The following BBX variants were observed in gnomAD, a reference collection of about 807,000 sequenced individuals.
The protein encoded by BBX is HMG box transcription factor BBX.
Under a neutral mutation model 100.2 loss-of-function variants are expected in BBX, and 30 were observed. The ratio of observed to expected loss-of-function variants is 0.30; its 90% CI spans 0.22 to 0.41. The LOEUF is 0.41. BBX is among the 10% of genes least tolerant of loss of function. The probability of loss-of-function intolerance (pLI) is 1.00; values close to 1 mark genes in which losing one functional copy is unlikely to be tolerated. For synonymous variants in BBX, 376 were observed against 388.1 expected (o/e 0.97, Z 0.37); for missense variants, 1,023 against 1,129.8 (o/e 0.91, Z 1.35).
intron 2 of BBX, chr3:107,641,668 A>G (rs1295714058): frequency 6.6e-6 from 1 of 152,228 alleles, no homozygotes; most frequent in Admixed American, 6.5e-5. Flanking sequence ...TTTTCAACTG[A>G]AAGGCTCTGG....
chr3:107,611,242 T>C (rs1162314806), intron 2 of BBX, among the ~76,000 whole-genome samples: 2 of 152,200 alleles, frequency 1.3e-5, no homozygotes, highest in Non-Finnish European at 2.9e-5. Context: ...TTTATCGTTT[T>C]GTCTTTCTAC....
At position 107,710,540 on chromosome 3, in the gene BBX, A is replaced by G. The variant is rs2061651584; in HGVS notation, c.80A>G (p.Gln27Arg). The G allele has an allele frequency of 1.2e-6, 2 of 1,613,868 alleles. No homozygotes were observed. The highest frequency in any genetic ancestry group is 8.5e-7 in the Non-Finnish European group (1 of 1,179,926). The change falls in exon 4 of 18, where the codon CAG (glutamine) becomes CGG (arginine). Residue 27 changes from glutamine (Q) to arginine (R), a missense_variant. Physicochemically the swap from Gln to Arg is conservative, Grantham distance 43 (BLOSUM62 1). Around this residue, in one of 9 missense-constraint regions of BBX, gnomAD observed 229 missense variants for 226.3 expected, o/e 1.01. Coordinates refer to ENST00000325805, the MANE Select transcript of BBX (RefSeq NM_001142568.3). Reference protein sequence around the residue: ...VGKRPKRKCLQWHPLLAKKLL... With the variant: ...VGKRPKRKCLRWHPLLAKKLL... ...AAACGACCAAAACGAAAGTGTCTTC[A>G]GTGGCATCCATTGCTAGCAAAGAAA...
chr3:107,640,133 A>G (rs2057101519), intron 2 of BBX, among the ~76,000 whole-genome samples: 1 of 152,192 alleles, frequency 6.6e-6, no homozygotes, highest in Non-Finnish European at 1.5e-5. Context: ...CTGATGAGGA[A>G]TAGAGGCTCA....
intron 9 of BBX, among the ~76,000 whole-genome samples, chr3:107,749,809 T>G (rs1449714393): frequency 1.3e-5 from 2 of 152,126 alleles, no homozygotes; most frequent in Non-Finnish European, 2.9e-5. Context: ...AATTTTTGTA[T>G]TTTTAGTAGA....
intron 6 of BBX, among the ~76,000 whole-genome samples, chr3:107,729,602 T>C (rs1410272767): frequency 1.3e-5 from 2 of 152,334 alleles, no homozygotes; most frequent in East Asian, 3.9e-4. Context: ...ATATTCACCC[T>C]ACAAGTGGGC....
At chr3:107,633,891 A>G (rs541777106) in intron 2 of BBX, among the ~76,000 whole-genome samples, 3 of 152,296 alleles carry the variant, frequency 2.0e-5, no homozygotes, top group South Asian at 4.1e-4. Context: ...TGTGCCCCCA[A>G]CAGGGTTTCT....
chr3:107,533,946 A>G lies in BBX; in HGVS notation c.-84+7548A>G, dbSNP rs534741312. On this transcript the variant is annotated intron_variant, in intron 2 of 17. Transcript: ENST00000325805. The stretch of plus-strand genomic sequence containing the variant: ...GAGGTTCTAGATACCTTTATTTTCA[A>G]TAATTAATTATGAAATGTTCAGATC... Among the ~76,000 whole-genome samples, 5 of 152,294 alleles carry G rather than the reference A, an allele frequency of 3.3e-5. No homozygotes were observed. In the South Asian group the frequency reaches 6.2e-4, roughly 19 times the overall value.
intron 2 of BBX, among the ~76,000 whole-genome samples, chr3:107,582,267 G>A (rs1267410112): frequency 6.6e-6 from 1 of 151,254 alleles, no homozygotes; most frequent in Non-Finnish European, 1.5e-5. Context: ...AACATTTTTA[G>A]CACGCATATG....
chr3:107,617,162 A>G (rs1449027130), intron 2 of BBX, among the ~76,000 whole-genome samples: 1 of 151,940 alleles, frequency 6.6e-6, no homozygotes, highest in African/African-American at 2.4e-5. Flanking sequence ...TCCTCCATTG[A>G]ATTGCTTTTG....
chr3:107,586,111 T>TA (rs2052815234), intron 2 of BBX, among the ~76,000 whole-genome samples: 1 of 151,914 alleles, frequency 6.6e-6, no homozygotes. Context: ...CTGAAGTTAA[T>TA]AAAAAAAATA....
At chr3:107,635,585 T>TA (rs1396545415) in intron 2 of BBX, among the ~76,000 whole-genome samples, 4 of 152,134 alleles carry the variant, frequency 2.6e-5, no homozygotes, top group African/African-American at 9.7e-5. Flanking sequence ...CATCTTGACT[T>TA]ACTGAATATC....
At chr3:107,722,340 A>G (rs2107444478) in intron 5 of BBX, among the ~76,000 whole-genome samples, 1 of 152,142 alleles carries the variant, frequency 6.6e-6, no homozygotes, top group African/African-American at 2.4e-5. Flanking sequence ...ATCTTAGTAG[A>G]CAGATCACTG....
intron 3 of BBX, among the ~76,000 whole-genome samples, chr3:107,658,052 G>A (rs1027836408): frequency 1.3e-5 from 2 of 152,092 alleles, no homozygotes; most frequent in East Asian, 3.9e-4. Flanking sequence ...TAATCCAGGG[G>A]TGAATAACCT....
intron 2 of BBX, among the ~76,000 whole-genome samples, chr3:107,590,170 TAAAG>T (rs529967261): frequency 0.01 from 1,550 of 152,300 alleles, 26 homozygotes; most frequent in African/African-American, 0.035. Flanking sequence ...GCTTTTAGTA[TAAAG>T]ATTTTATAAA....
chr3:107,562,793 GTA>G (rs2050603111), intron 2 of BBX, among the ~76,000 whole-genome samples: 1 of 152,098 alleles, frequency 6.6e-6, no homozygotes, highest in South Asian at 2.1e-4. Context: ...GGTTACATGT[GTA>G]ACCTGAAAAG....
chr3:107,774,633 T>C, intron 11 of BBX, 86 bp from the exon 12 acceptor site: 1 of 1,413,654 alleles, frequency 7.1e-7, no homozygotes, highest in Non-Finnish European at 9.7e-7. Flanking sequence ...ATGCAAGCAG[T>C]CAAGAGGTTG....
At chr3:107,677,834 C>G (rs1559955436) in intron 3 of BBX, among the ~76,000 whole-genome samples, 1 of 152,100 alleles carries the variant, frequency 6.6e-6, no homozygotes, top group African/African-American at 2.4e-5. Context: ...TGGTTAATCT[C>G]TTTAGCCTAT....
chr3:107,550,904 G>T (rs2049613272), intron 2 of BBX, among the ~76,000 whole-genome samples: 2 of 152,184 alleles, frequency 1.3e-5, no homozygotes, highest in Non-Finnish European at 2.9e-5. Flanking sequence ...GCACACTAAA[G>T]TAAGTACTTC....
At chr3:107,562,027 T>C (rs2050536057) in intron 2 of BBX, among the ~76,000 whole-genome samples, 1 of 152,252 alleles carries the variant, frequency 6.6e-6, no homozygotes, top group Admixed American at 6.5e-5. Flanking sequence ...GCCATGGATT[T>C]CATTTAATCC....
Sources: allele counts gnomAD v4.1 joint callset (sites outside exome capture counted in the v4.1 genomes callset), GRCh38; gene constraint gnomAD v4.1.1; regional missense constraint gnomAD v4.1.1; transcripts MANE v1.5; gene names NCBI Gene and HGNC (gene_info 2026-07-23, HGNC 2026-07-21).